ADAM23: variants seen among roughly 807,000 people sequenced by gnomAD.
ADAM23 encodes the protein disintegrin and metalloproteinase domain-containing protein 23.
In ADAM23, 33 loss-of-function variants were observed where a neutral mutation model predicts 120.1. The observed-to-expected ratio is 0.27, with a 90% confidence interval of 0.21 to 0.37. ADAM23 has a LOEUF of 0.37. Among genes scored for constraint, ADAM23 ranks in the 10% least tolerant of loss-of-function variants. The pLI is 1.00. For missense variants in ADAM23, 862 were observed against 1,058.2 expected, an observed-to-expected ratio of 0.81 and a Z score of 2.57; for synonymous variants, 367 against 375.2, an observed-to-expected ratio of 0.98 and a Z score of 0.25.
chr2:206,459,973 T>C (rs1272349671), intron 2 of ADAM23, among the ~76,000 whole-genome samples: 1 of 152,222 alleles, frequency 6.6e-6, no homozygotes, highest in Non-Finnish European at 1.5e-5. Context: ...TTCTCCCTGA[T>C]TTTGTCCCTC....
chr2:206,502,874 A>T (rs1026827745), intron 3 of ADAM23, among the ~76,000 whole-genome samples: 2 of 152,180 alleles, frequency 1.3e-5, no homozygotes, highest in Non-Finnish European at 2.9e-5. Context: ...GTACATTTTT[A>T]TATCTAACCG....
intron 2 of ADAM23, among the ~76,000 whole-genome samples, chr2:206,463,242 TG>T (rs1309491945): frequency 2.0e-5 from 3 of 152,188 alleles, no homozygotes; most frequent in Non-Finnish European, 2.9e-5. Flanking sequence ...CTGGATTATC[TG>T]GGTGGGCCCA....
intron 4 of ADAM23, among the ~76,000 whole-genome samples, chr2:206,535,527 A>G (rs564193819): frequency 6.6e-6 from 1 of 152,246 alleles, no homozygotes; most frequent in African/African-American, 2.4e-5. Context: ...AACATTATTC[A>G]TAGTAGCCAA....
rs898378559 is a variant in ADAM23, at chr2:206,557,510, G to T, written c.1005+12G>T. 2 of 1,601,728 alleles carry T rather than the reference G, an allele frequency of 1.2e-6. No homozygotes were observed. The highest frequency in any genetic ancestry group is 1.7e-6 in the Non-Finnish European group (2 of 1,168,882). ...ACCTTGTGGATTCTGTAAGTATCCT[G>T]GTTTTCTTGAATTTGTGTGCCAAGA... is the stretch of plus-strand genomic sequence containing the variant. On this transcript the variant is annotated intron_variant, in intron 10 of 25. Coordinates refer to ENST00000264377, the MANE Select transcript of ADAM23 (RefSeq NM_003812.4).
At chr2:206,595,213 C>A (rs1698502164) in intron 23 of ADAM23, among the ~76,000 whole-genome samples, 1 of 152,092 alleles carries the variant, frequency 6.6e-6, no homozygotes, top group African/African-American at 2.4e-5. Context: ...CCAAATTCAG[C>A]CTTGTTAATC....
chr2:206,462,931 A>C (rs1037761731), intron 2 of ADAM23, among the ~76,000 whole-genome samples: 1 of 152,138 alleles, frequency 6.6e-6, no homozygotes, highest in African/African-American at 2.4e-5. Flanking sequence ...AGCTCTCTGG[A>C]AGACGGACTG....
chr2:206,554,451 G>A (rs897666464), intron 9 of ADAM23, among the ~76,000 whole-genome samples: 6 of 152,130 alleles, frequency 3.9e-5, no homozygotes, highest in Admixed American at 6.5e-5. Flanking sequence ...TTGCGTACGT[G>A]TTTTGCTACA....
intron 24 of ADAM23, among the ~76,000 whole-genome samples, chr2:206,600,166 C>T (rs1047612859): frequency 6.6e-6 from 1 of 152,190 alleles, no homozygotes; most frequent in African/African-American, 2.4e-5. Flanking sequence ...CGCGACACTG[C>T]ACTCCAACCT....
At chr2:206,615,929 A>G (rs1698927974) in intron 25 of ADAM23, among the ~76,000 whole-genome samples, 1 of 152,210 alleles carries the variant, frequency 6.6e-6, no homozygotes, top group Non-Finnish European at 1.5e-5. Flanking sequence ...AATTTGAATA[A>G]AGGAATTTAG....
intron 25 of ADAM23, among the ~76,000 whole-genome samples, chr2:206,611,426 A>G (rs1401231820): frequency 1.3e-5 from 2 of 150,484 alleles, no homozygotes; most frequent in African/African-American, 4.9e-5. Context: ...GACCTAATTC[A>G]AGCAAAACTT....
At chr2:206,587,429 T>G (rs994156354) in intron 19 of ADAM23, 54 bp downstream of exon 19, 57 of 1,205,194 alleles carry the variant, frequency 4.7e-5, no homozygotes, top group Non-Finnish European at 6.1e-5. Context: ...ATTGGAAAGT[T>G]TTTTTTTCCT....
intron 10 of ADAM23, among the ~76,000 whole-genome samples, chr2:206,558,921 TTTTG>T (rs71409830): frequency 0.08 from 10,725 of 134,842 alleles, 538 homozygotes; most frequent in Middle Eastern, 0.14. Flanking sequence ...ATCCATTGGT[TTTTG>T]TTTGTTTGTT....
chr2:206,560,471 T>C (rs1199366236), intron 11 of ADAM23, among the ~76,000 whole-genome samples: 1 of 152,130 alleles, frequency 6.6e-6, no homozygotes, highest in East Asian at 1.9e-4. Flanking sequence ...AAAGCAGGTT[T>C]CCTGAAAGCT....
intron 6 of ADAM23, among the ~76,000 whole-genome samples, chr2:206,543,932 A>T (rs1420109152): frequency 6.6e-6 from 1 of 152,218 alleles, no homozygotes; most frequent in East Asian, 1.9e-4. Flanking sequence ...CTAAGCCATG[A>T]GGACACAAAG....
intron 2 of ADAM23, among the ~76,000 whole-genome samples, chr2:206,458,303 A>G (rs1195036039): frequency 1.1e-5 from 1 of 93,286 alleles, no homozygotes; most frequent in Non-Finnish European, 2.4e-5. Flanking sequence ...AGGGAATCCA[A>G]GTTGTGAACT....
intron 3 of ADAM23, among the ~76,000 whole-genome samples, chr2:206,520,270 G>A (rs967113085): frequency 2.0e-5 from 3 of 152,132 alleles, no homozygotes; most frequent in African/African-American, 7.2e-5. Flanking sequence ...TTGTGGTGGT[G>A]CAGGAGAAAT....
intron 3 of ADAM23, among the ~76,000 whole-genome samples, chr2:206,489,903 G>T (rs1696095603): frequency 6.6e-6 from 1 of 152,326 alleles, no homozygotes; most frequent in South Asian, 2.1e-4. Flanking sequence ...AACACGGAAG[G>T]TCCCAAATAG....
intron 24 of ADAM23, among the ~76,000 whole-genome samples, chr2:206,598,367 C>G (rs574470088): frequency 6.6e-6 from 1 of 152,156 alleles, no homozygotes; most frequent in East Asian, 1.9e-4. Flanking sequence ...ATTCCCTGTT[C>G]CTTCACCCAC....
chr2:206,549,221 T>G (rs1697462682), intron 8 of ADAM23, among the ~76,000 whole-genome samples: 1 of 151,654 alleles, frequency 6.6e-6, no homozygotes, highest in African/African-American at 2.4e-5. Flanking sequence ...AGTTTAAATT[T>G]TCCTCCCTTT....
Sources: allele counts gnomAD v4.1 joint callset (sites outside exome capture counted in the v4.1 genomes callset), GRCh38; gene constraint gnomAD v4.1.1; transcripts MANE v1.5; gene names NCBI Gene and HGNC (gene_info 2026-07-23, HGNC 2026-07-21).